OSBP2: variants seen among roughly 807,000 people sequenced by gnomAD.
OSBP2 encodes oxysterol-binding protein 2.
In OSBP2, 66 loss-of-function variants were observed where a neutral mutation model predicts 96.0. That is an observed-to-expected ratio of 0.69 (90% confidence interval 0.56 to 0.84). The LOEUF (loss-of-function observed/expected upper bound fraction) is 0.84. Among genes scored for constraint, OSBP2 ranks in the 40% least tolerant of loss-of-function variants. The pLI is 0.00. For synonymous variants in OSBP2, 525 were observed against 520.9 expected, an observed-to-expected ratio of 1.01 and a Z score of -0.11; for missense variants, 1,038 against 1,222.7, an observed-to-expected ratio of 0.85 and a Z score of 2.25.
chr22:30,786,313 G>A (rs1368076793), intron 2 of OSBP2, among the ~76,000 whole-genome samples: 2 of 152,090 alleles, frequency 1.3e-5, no homozygotes, highest in Non-Finnish European at 2.9e-5. Context: ...GTGAACCACT[G>A]CACCCAGCCT....
At chr22:30,839,297 C>T (rs965594311) in intron 2 of OSBP2, among the ~76,000 whole-genome samples, 11 of 145,298 alleles carry the variant, frequency 7.6e-5, no homozygotes, top group Non-Finnish European at 1.5e-4. Context: ...TGAATAGTAC[C>T]ACAATAAACA....
At chr22:30,745,526 A>G (rs2089988414) in intron 2 of OSBP2, among the ~76,000 whole-genome samples, 1 of 151,934 alleles carries the variant, frequency 6.6e-6, no homozygotes, top group South Asian at 2.1e-4. Flanking sequence ...AATTAGCCAG[A>G]TGTGGTAGCA....
At chr22:30,709,926 G>A (rs1257955479) in intron 1 of OSBP2, among the ~76,000 whole-genome samples, 4 of 147,748 alleles carry the variant, frequency 2.7e-5, no homozygotes, top group Admixed American at 6.8e-5. Flanking sequence ...TTTGTCACCC[G>A]GGCTGGAGTG....
intron 1 of OSBP2, among the ~76,000 whole-genome samples, chr22:30,738,174 G>A (rs75237960): frequency 0.023 from 3,439 of 151,310 alleles, 138 homozygotes; most frequent in African/African-American, 0.078. Context: ...TGGCACTCTG[G>A]CCAAAGGACC....
At chr22:30,854,299 C>T (rs1418239048) in intron 2 of OSBP2, among the ~76,000 whole-genome samples, 3 of 133,566 alleles carry the variant, frequency 2.2e-5, no homozygotes, top group Non-Finnish European at 3.1e-5. Flanking sequence ...TTGCTTTATA[C>T]AGTTATCTTT....
chr22:30,820,402 A>G, intron 2 of OSBP2, among the ~76,000 whole-genome samples: 1 of 152,174 alleles, frequency 6.6e-6, no homozygotes, highest in East Asian at 1.9e-4. Flanking sequence ...AAAAAAAATA[A>G]AATTTTAAAA....
chr22:30,822,247 C>T (rs1333710831), intron 2 of OSBP2, among the ~76,000 whole-genome samples: 1 of 152,254 alleles, frequency 6.6e-6, no homozygotes, highest in Non-Finnish European at 1.5e-5. Context: ...CAACGCCGAG[C>T]TTGTTGCTGC....
chr22:30,805,512 T>C (rs2090916769), intron 2 of OSBP2, among the ~76,000 whole-genome samples: 3 of 152,242 alleles, frequency 2.0e-5, no homozygotes, highest in Admixed American at 2.0e-4. Flanking sequence ...GCCTCTGTTT[T>C]ATCATCTGTA....
intron 2 of OSBP2, among the ~76,000 whole-genome samples, chr22:30,783,686 A>C (rs2090550279): frequency 6.6e-6 from 1 of 152,118 alleles, no homozygotes; most frequent in Non-Finnish European, 1.5e-5. Flanking sequence ...TTGCTTCCCA[A>C]ATCTGCCTGG....
chr22:30,889,103 G>A (rs966714251), intron 5 of OSBP2, 74 bp from the exon 6 acceptor site: 2 of 1,330,046 alleles, frequency 1.5e-6, no homozygotes, highest in Non-Finnish European at 2.1e-6. Flanking sequence ...GATGTTGTCT[G>A]GAGAGAGGAT....
intron 2 of OSBP2, among the ~76,000 whole-genome samples, chr22:30,815,260 G>T (rs115928975): frequency 0.016 from 2,405 of 152,266 alleles, 58 homozygotes; most frequent in African/African-American, 0.052. Flanking sequence ...TCCAGCCTGG[G>T]TAACAGAGTG....
At chr22:30,785,897 A>T (rs981735631) in intron 2 of OSBP2, among the ~76,000 whole-genome samples, 1 of 152,116 alleles carries the variant, frequency 6.6e-6, no homozygotes, top group African/African-American at 2.4e-5. Flanking sequence ...CACCATGATT[A>T]TAAGTTTCCT....
chr22:30,827,469 C>T (rs742205), intron 2 of OSBP2, among the ~76,000 whole-genome samples: 16,330 of 152,176 alleles, frequency 0.11, 982 homozygotes, highest in East Asian at 0.23. Flanking sequence ...GGCAGTAATA[C>T]GTATGGAAGC....
chr22:30,778,446 C>T (rs1371471012), intron 2 of OSBP2, among the ~76,000 whole-genome samples: 2 of 152,096 alleles, frequency 1.3e-5, no homozygotes, highest in Non-Finnish European at 2.9e-5. Context: ...TGCTTCTGCT[C>T]TGTGGAGAGC....
At chr22:30,822,374 G>A (rs1201205694) in intron 2 of OSBP2, 4 of 582,532 alleles carry the variant, frequency 6.9e-6, no homozygotes, top group East Asian at 3.6e-5. Flanking sequence ...ACGAGGCCGC[G>A]CTCCTGGGGC....
chr22:30,877,095 G>C (rs1412774830), intron 3 of OSBP2, among the ~76,000 whole-genome samples: 1 of 151,990 alleles, frequency 6.6e-6, no homozygotes, highest in African/African-American at 2.4e-5. Context: ...AATCCCCGTA[G>C]CCCTGTAGCC....
intron 2 of OSBP2, among the ~76,000 whole-genome samples, chr22:30,848,064 T>G (rs1314292958): frequency 6.6e-6 from 1 of 152,208 alleles, no homozygotes. Context: ...TGACTATGTC[T>G]TAAAGGTTTT....
intron 1 of OSBP2, among the ~76,000 whole-genome samples, chr22:30,705,920 A>G (rs2089245167): frequency 6.6e-6 from 1 of 151,180 alleles, no homozygotes; most frequent in African/African-American, 2.4e-5. Context: ...GCTTTGTGGG[A>G]GCCCCTGGAT....
At chr22:30,838,276 T>A (rs1453298475) in intron 2 of OSBP2, among the ~76,000 whole-genome samples, 2 of 152,178 alleles carry the variant, frequency 1.3e-5, no homozygotes, top group Non-Finnish European at 2.9e-5. Flanking sequence ...GTGCTTCTCT[T>A]CCAACTTGTG....
Sources: allele counts gnomAD v4.1 joint callset (sites outside exome capture counted in the v4.1 genomes callset), GRCh38; gene constraint gnomAD v4.1.1; transcripts MANE v1.5; gene names NCBI Gene and HGNC (gene_info 2026-07-23, HGNC 2026-07-21).